The following IL1RAPL2 variants were observed in gnomAD, a reference collection of about 807,000 sequenced individuals.
The protein encoded by IL1RAPL2 is interleukin 1 receptor accessory protein like 2, also known as X-linked interleukin-1 receptor accessory protein-like 2.
IL1RAPL2 carries 3 observed loss-of-function variants against 44.1 expected under a neutral mutation model. That is an observed-to-expected ratio of 0.07 (90% confidence interval 0.03 to 0.18). The LOEUF (loss-of-function observed/expected upper bound fraction) is 0.18. Ranked by LOEUF, IL1RAPL2 falls within the 10% of genes least tolerant of loss-of-function variation. IL1RAPL2 has a pLI of 1.00. For missense variants in IL1RAPL2, 391 were observed against 496.4 expected (o/e 0.79, Z 2.02); for synonymous variants, 181 against 178.8 (o/e 1.01, Z -0.10).
At chrX:104,818,782 A>C (rs1921216523) in intron 2 of IL1RAPL2, among the ~76,000 whole-genome samples, 1 of 85,519 alleles carries the variant, frequency 1.2e-5, no homozygotes, top group South Asian at 7.0e-4. Context: ...AGAAAGTTAT[A>C]GTGGATGTTT....
intron 6 of IL1RAPL2, among the ~76,000 whole-genome samples, chrX:105,706,846 A>G (rs777588138): frequency 9.0e-6 from 1 of 111,640 alleles, no homozygotes; most frequent in Non-Finnish European, 1.9e-5. Flanking sequence ...TGCAATAATT[A>G]GCTTTAATAT....
At chrX:104,701,568 C>T (rs1333753946) in intron 2 of IL1RAPL2, among the ~76,000 whole-genome samples, 1 of 111,852 alleles carries the variant, frequency 8.9e-6, no homozygotes, top group African/African-American at 3.2e-5. Flanking sequence ...CTAGAAAAAC[C>T]ATCAGAGTCC....
chrX:105,163,511 G>T (rs2033344784), intron 2 of IL1RAPL2, among the ~76,000 whole-genome samples: 1 of 111,966 alleles, frequency 8.9e-6, no homozygotes, highest in Non-Finnish European at 1.9e-5. Context: ...AAGTTTGGAA[G>T]GATTTTATTT....
chrX:105,654,799 C>T (rs1354067474), intron 6 of IL1RAPL2, among the ~76,000 whole-genome samples: 2 of 111,793 alleles, frequency 1.8e-5, no homozygotes. Context: ...TCAGAACACA[C>T]CACTATGGCT....
chrX:104,630,883 C>T (rs1247492239), intron 1 of IL1RAPL2, among the ~76,000 whole-genome samples: 2 of 108,293 alleles, frequency 1.8e-5, no homozygotes, highest in African/African-American at 6.8e-5. Flanking sequence ...TACATGGGCA[C>T]AACGTGCAGG....
chrX:105,287,475 A>C (rs1239761791), intron 5 of IL1RAPL2, among the ~76,000 whole-genome samples: 1 of 111,817 alleles, frequency 8.9e-6, no homozygotes, highest in East Asian at 2.8e-4. Flanking sequence ...CTTCATCTTA[A>C]CAGTAAGAGG....
At chrX:105,613,989 G>T (rs1205502656) in intron 6 of IL1RAPL2, among the ~76,000 whole-genome samples, 2 of 111,223 alleles carry the variant, frequency 1.8e-5, no homozygotes, top group African/African-American at 6.5e-5. Context: ...CAAGTTGCAG[G>T]ATACAAAATC....
chrX:104,950,544 G>T (rs995102576), intron 2 of IL1RAPL2, among the ~76,000 whole-genome samples: 1 of 112,399 alleles, frequency 8.9e-6, no homozygotes. Flanking sequence ...GCAAGCCTGG[G>T]CAGTGACGGG....
chrX:104,672,419 C>CA (rs1930628825), intron 2 of IL1RAPL2, among the ~76,000 whole-genome samples: 1 of 110,708 alleles, frequency 9.0e-6, no homozygotes, highest in Admixed American at 9.6e-5. Flanking sequence ...ATAAAAAGGA[C>CA]ATGAACTCAT....
intron 5 of IL1RAPL2, among the ~76,000 whole-genome samples, chrX:105,281,649 T>G (rs2034533969): frequency 9.0e-6 from 1 of 111,556 alleles, no homozygotes; most frequent in East Asian, 2.8e-4. Context: ...TAGTATTCAG[T>G]ACACTAACAT....
intron 6 of IL1RAPL2, among the ~76,000 whole-genome samples, chrX:105,497,929 A>G (rs182434459): frequency 3.4e-4 from 38 of 112,296 alleles, no homozygotes; most frequent in African/African-American, 1.2e-3. Flanking sequence ...ATATATGAAA[A>G]TAGTCCACAG....
intron 5 of IL1RAPL2, among the ~76,000 whole-genome samples, chrX:105,391,890 C>T (rs1338170955): frequency 1.2e-5 from 1 of 85,337 alleles, no homozygotes; most frequent in African/African-American, 4.4e-5. Flanking sequence ...TAAACTATCG[C>T]AAGAACAAAA....
intron 2 of IL1RAPL2, among the ~76,000 whole-genome samples, chrX:104,875,830 AC>A (rs1433939211): frequency 9.0e-6 from 1 of 111,489 alleles, no homozygotes; most frequent in African/African-American, 3.3e-5. Context: ...CATCTGACAT[AC>A]CATATCATCT....
chrX:104,898,868 T>C (rs1326166872), intron 2 of IL1RAPL2, among the ~76,000 whole-genome samples: 2 of 112,531 alleles, frequency 1.8e-5, no homozygotes, highest in African/African-American at 6.4e-5. Flanking sequence ...AAAAAATCAT[T>C]TTGCTTCTAT....
intron 5 of IL1RAPL2, among the ~76,000 whole-genome samples, chrX:105,443,486 C>T (rs2147756489): frequency 9.0e-6 from 1 of 111,364 alleles, no homozygotes; most frequent in East Asian, 2.8e-4. Flanking sequence ...TTTTCCCCAC[C>T]TCTCCCACAA....
intron 5 of IL1RAPL2, among the ~76,000 whole-genome samples, chrX:105,476,502 T>C (rs1249604076): frequency 8.9e-6 from 1 of 112,028 alleles, no homozygotes; most frequent in East Asian, 2.8e-4. Flanking sequence ...TCACTGGTTC[T>C]GTTTTTTGTG....
chrX:104,919,061 G>T (rs1489756052), intron 2 of IL1RAPL2, among the ~76,000 whole-genome samples: 1 of 110,985 alleles, frequency 9.0e-6, no homozygotes, highest in Non-Finnish European at 1.9e-5. Flanking sequence ...GAATTAACTA[G>T]ATCTACGTAT....
chrX:104,669,400 T>C (rs1034351835), intron 2 of IL1RAPL2, among the ~76,000 whole-genome samples: 15 of 111,175 alleles, frequency 1.3e-4, no homozygotes, highest in Non-Finnish European at 2.8e-4. Context: ...TCCATCATTA[T>C]CTCATTTTCC....
chrX:104,744,585 T>C (rs1038207610), intron 2 of IL1RAPL2, among the ~76,000 whole-genome samples: 1 of 111,590 alleles, frequency 9.0e-6, no homozygotes, highest in African/African-American at 3.3e-5. Context: ...CAAATATTTA[T>C]AGAGAGGCTA....
Sources: allele counts gnomAD v4.1 joint callset (sites outside exome capture counted in the v4.1 genomes callset), GRCh38; gene constraint gnomAD v4.1.1; transcripts MANE v1.5; gene names NCBI Gene and HGNC (gene_info 2026-07-23, HGNC 2026-07-21).